LSM14A: variants seen among roughly 807,000 people sequenced by gnomAD.
LSM14A encodes protein LSM14 homolog A.
In LSM14A, 14 loss-of-function variants were observed where a neutral mutation model predicts 52.4. The observed-to-expected ratio is 0.27, with a 90% CI of 0.18 to 0.42. The LOEUF is 0.42. LSM14A is among the 10% of genes least tolerant of loss of function. LSM14A has a pLI of 1.00. For missense variants in LSM14A, 417 were observed against 581.8 expected (o/e 0.72, Z 2.91); for synonymous variants, 185 against 200.3 (o/e 0.92, Z 0.64).
At chr19:34,197,367 A>G (rs2070919953) in intron 3 of LSM14A, among the ~76,000 whole-genome samples, 1 of 151,264 alleles carries the variant, frequency 6.6e-6, no homozygotes, top group Non-Finnish European at 1.5e-5. Context: ...CTAGGATTAC[A>G]GGTGTGAGCC....
chr19:34,179,118 A>C (rs1259027995), intron 1 of LSM14A, among the ~76,000 whole-genome samples: 2 of 152,244 alleles, frequency 1.3e-5, no homozygotes, highest in Admixed American at 1.3e-4. Flanking sequence ...CCAGGTTGCT[A>C]CTGCACTGGG....
intron 3 of LSM14A, among the ~76,000 whole-genome samples, chr19:34,204,617 C>T (rs2145737270): frequency 6.6e-6 from 1 of 151,636 alleles, no homozygotes; most frequent in Non-Finnish European, 1.5e-5. Context: ...ACTCAGGAGG[C>T]TGGGGTGGGA....
At chr19:34,184,101 G>A (rs1234406668) in intron 1 of LSM14A, among the ~76,000 whole-genome samples, 1 of 147,888 alleles carries the variant, frequency 6.8e-6, no homozygotes, top group Non-Finnish European at 1.5e-5. Context: ...TGTCACCCAG[G>A]CTGGAGTGCA....
At chr19:34,223,035 G>C (rs2073149526) in intron 9 of LSM14A, among the ~76,000 whole-genome samples, 2 of 151,974 alleles carry the variant, frequency 1.3e-5, no homozygotes, top group Admixed American at 1.3e-4. Context: ...ACTCTTCTAG[G>C]TTTTCAATTT....
intron 1 of LSM14A, among the ~76,000 whole-genome samples, chr19:34,188,992 TG>T (rs1319821863): frequency 6.6e-6 from 1 of 152,202 alleles, no homozygotes; most frequent in Non-Finnish European, 1.5e-5. Context: ...TACTTTGTTT[TG>T]GCAGCCCTAG....
At chr19:34,187,207 C>T (rs2069979937) in intron 1 of LSM14A, among the ~76,000 whole-genome samples, 1 of 151,460 alleles carries the variant, frequency 6.6e-6, no homozygotes, top group Non-Finnish European at 1.5e-5. Flanking sequence ...CGAGATCGCG[C>T]CACTGCACTC....
chr19:34,179,980 G>T (rs2145498047), intron 1 of LSM14A, among the ~76,000 whole-genome samples: 1 of 152,320 alleles, frequency 6.6e-6, no homozygotes, highest in South Asian at 2.1e-4. Flanking sequence ...CCAGGCTGGA[G>T]TGCAGTGGCA....
At chr19:34,202,799 C>T (rs1445564082) in intron 3 of LSM14A, among the ~76,000 whole-genome samples, 7 of 152,074 alleles carry the variant, frequency 4.6e-5, no homozygotes, top group Admixed American at 1.3e-4. Flanking sequence ...GGACTACAGA[C>T]GCCCGCCACC....
chr19:34,190,569 A>G (rs967640455), intron 1 of LSM14A, among the ~76,000 whole-genome samples: 1 of 151,542 alleles, frequency 6.6e-6, no homozygotes, highest in Non-Finnish European at 1.5e-5. Flanking sequence ...AGTGACTCCT[A>G]CTTGACATGA....
chr19:34,192,631 G>T (rs1286464339), intron 1 of LSM14A, among the ~76,000 whole-genome samples: 1 of 33,980 alleles, frequency 2.9e-5, no homozygotes, highest in African/African-American at 1.3e-4. Context: ...CATCAGTTCT[G>T]CAAAAAAAAA....
intron 4 of LSM14A, among the ~76,000 whole-genome samples, chr19:34,214,060 G>A (rs1009704968): frequency 3.3e-5 from 5 of 152,122 alleles, no homozygotes; most frequent in African/African-American, 4.8e-5. Context: ...TGGGATTATA[G>A]GTGTGAGCAA....
intron 1 of LSM14A, among the ~76,000 whole-genome samples, chr19:34,190,093 T>C (rs1464056832): frequency 6.6e-6 from 1 of 152,206 alleles, no homozygotes; most frequent in East Asian, 1.9e-4. Flanking sequence ...CCAGTAGTTC[T>C]TTACCTTTTC....
In LSM14A at chr19:34,227,179, A is replaced by C. The variant is rs531879191; in HGVS notation, c.1369-186A>C. ...TACTGACTGGAAGATGCAGTCAACAATGAGGTACTACTGAGTATGGAAGTT... is the reference window on the plus strand; with the variant it reads ...TACTGACTGGAAGATGCAGTCAACACTGAGGTACTACTGAGTATGGAAGTT... On this transcript the variant is annotated intron_variant, in intron 9 of 9. Transcript: ENST00000544216. Among the ~76,000 whole-genome samples the C allele has an allele frequency of 2.6e-5, 4 of 152,330 alleles. No individual in the cohort carries two copies. The South Asian group carries it at 8.3e-4, about 32-fold the overall frequency.
intron 3 of LSM14A, among the ~76,000 whole-genome samples, chr19:34,197,716 C>T (rs1427961863): frequency 6.6e-6 from 1 of 152,156 alleles, no homozygotes; most frequent in African/African-American, 2.4e-5. Flanking sequence ...GCTGGGATTA[C>T]AGGCGTGAGC....
At chr19:34,217,702 T>C (rs1333610449) in intron 6 of LSM14A, among the ~76,000 whole-genome samples, 4 of 130,330 alleles carry the variant, frequency 3.1e-5, no homozygotes, top group African/African-American at 1.2e-4. Context: ...CGATCTCAGC[T>C]CACTGCAACC....
chr19:34,204,880 C>A (rs2071566574), intron 3 of LSM14A, among the ~76,000 whole-genome samples: 2 of 152,108 alleles, frequency 1.3e-5, no homozygotes, highest in African/African-American at 4.8e-5. Flanking sequence ...GCCTATGATC[C>A]CAGCACTTTG....
At chr19:34,182,571 C>T (rs1264271491) in intron 1 of LSM14A, among the ~76,000 whole-genome samples, 1 of 151,318 alleles carries the variant, frequency 6.6e-6, no homozygotes, top group Non-Finnish European at 1.5e-5. Flanking sequence ...GGCGCGGTGG[C>T]TCATGCCTGT....
At chr19:34,201,388 G>A (rs1480479406) in intron 3 of LSM14A, among the ~76,000 whole-genome samples, 1 of 152,182 alleles carries the variant, frequency 6.6e-6, no homozygotes, top group African/African-American at 2.4e-5. Context: ...TGTCACCCAG[G>A]CTAGAGTGCA....
intron 1 of LSM14A, among the ~76,000 whole-genome samples, chr19:34,177,016 C>T (rs1049689705): frequency 2.3e-4 from 35 of 152,210 alleles, no homozygotes; most frequent in Admixed American, 2.6e-4. Flanking sequence ...TCCCTCATTA[C>T]TAAATGGGGC....
Sources: gnomAD v4.1 joint callset for allele counts (sites outside exome capture counted in the v4.1 genomes callset) on GRCh38, gnomAD v4.1.1 for gene constraint, MANE v1.5 for transcripts, NCBI Gene and HGNC (gene_info 2026-07-23, HGNC 2026-07-21) for gene names.